Variants in STON2 observed in about 807,000 individuals in gnomAD.
STON2 encodes the protein stonin 2, also known as stonin-2.
Under a neutral mutation model 65.7 loss-of-function variants are expected in STON2, and 29 were observed. The ratio of observed to expected loss-of-function variants is 0.44; its 90% CI spans 0.33 to 0.60. The LOEUF is 0.60. Among genes scored for constraint, STON2 ranks in the 20% least tolerant of loss-of-function variants. The pLI, the probability that STON2 is intolerant of heterozygous loss-of-function variation, is 0.03. For synonymous variants in STON2, 404 were observed against 414.2 expected, an observed-to-expected ratio of 0.98 and a Z score of 0.30; for missense variants, 1,054 against 1,118.1, an observed-to-expected ratio of 0.94 and a Z score of 0.82.
intron 5 of STON2, among the ~76,000 whole-genome samples, chr14:81,298,453 T>G (rs1172638811): frequency 6.6e-6 from 1 of 151,614 alleles, no homozygotes; most frequent in African/African-American, 2.4e-5. Context: ...CCAAACTTAC[T>G]AAGAATTACC....
Position 81,278,339 on chromosome 14 carries a change from C to A in STON2, c.1143G>T (p.Gln381His), listed in dbSNP as rs1213094187. 2 of 1,614,190 alleles carry A rather than the reference C, an allele frequency of 1.2e-6. No homozygotes were observed. The highest frequency in any genetic ancestry group is 1.3e-5 in the African/African-American group (1 of 75,044). Residue 381 changes from glutamine (Q) to histidine (H), a missense_variant, in exon 6 of 8, where the codon CAG becomes CAT. By Grantham distance (24) the Gln-to-His change is conservative (BLOSUM62 0). Transcript: ENST00000614646. ...PFLNETLQDV[Q>H]PSPINPFSAF... is the part of the protein sequence containing the mutation. ...CACTGAAAGGGTTGATAGGGGAGGGCTGTACATCCTGCAGAGTCTCATTCA... is the reference window on the plus strand; with the variant it reads ...CACTGAAAGGGTTGATAGGGGAGGGATGTACATCCTGCAGAGTCTCATTCA...
At chr14:81,295,984 A>C (rs7145964) in intron 5 of STON2, among the ~76,000 whole-genome samples, 119,415 of 152,126 alleles carry the variant, frequency 0.78, 47,032 homozygotes, top group Non-Finnish European at 0.81. Flanking sequence ...CATAAACATA[A>C]ACAGTTCTAA....
intron 5 of STON2, among the ~76,000 whole-genome samples, chr14:81,318,957 A>G (rs1031198270): frequency 2.6e-5 from 4 of 152,262 alleles, no homozygotes; most frequent in African/African-American, 7.2e-5. Flanking sequence ...GATTAGTGAC[A>G]TTATCAGAAG....
chr14:81,425,758 G>A (rs528895608), intron 2 of STON2, among the ~76,000 whole-genome samples: 2 of 152,244 alleles, frequency 1.3e-5, no homozygotes, highest in African/African-American at 2.4e-5. Flanking sequence ...GAGCATCTGC[G>A]ATTCTTGTAG....
upstream of STON2, among the ~76,000 whole-genome samples, chr14:81,404,024 T>C (rs1341300068): frequency 6.6e-6 from 1 of 152,216 alleles, no homozygotes; most frequent in African/African-American, 2.4e-5. Context: ...AGGGTATGGC[T>C]TTTAGTAAAT....
rs540552967 is a variant in STON2 at position 81,263,776 on chromosome 14, A to G, written c.*4638T>C. 190 of 985,392 alleles carry G rather than the reference A, an allele frequency of 1.9e-4. 2 individuals carry two copies. In the African/African-American group the frequency reaches 2.8e-3, roughly 15 times the overall value. The allele number at this position is 985,392 out of a possible 1,614,324, so 61.0% of individuals were successfully genotyped here. On this transcript the variant is annotated 3_prime_UTR_variant, in exon 8 of 8. Coordinates refer to ENST00000614646, the MANE Select transcript of STON2 (RefSeq NM_001394390.1). ...TACCACTCGAACTGGGAGCATTTCT[A>G]TAAGCAGGCTGGATGGTAGTGCTTC...
intron 4 of STON2, among the ~76,000 whole-genome samples, chr14:81,332,517 T>G (rs1043948575): frequency 6.6e-6 from 1 of 152,168 alleles, no homozygotes; most frequent in African/African-American, 2.4e-5. Context: ...ACTCAGATAT[T>G]AAAAATATCT....
intron 3 of STON2, among the ~76,000 whole-genome samples, chr14:81,376,386 G>A (rs2140381070): frequency 6.6e-6 from 1 of 152,008 alleles, no homozygotes; most frequent in East Asian, 1.9e-4. Context: ...AACTATAGAA[G>A]TCCTAGCAAA....
intron 5 of STON2, among the ~76,000 whole-genome samples, chr14:81,317,369 A>C (rs1418710341): frequency 6.6e-6 from 1 of 152,258 alleles, no homozygotes; most frequent in African/African-American, 2.4e-5. Flanking sequence ...GGAGGGGACA[A>C]ATATACAAAC....
chr14:81,390,942 T>A (rs1900049890), intron 3 of STON2, among the ~76,000 whole-genome samples: 1 of 152,212 alleles, frequency 6.6e-6, no homozygotes, highest in African/African-American at 2.4e-5. Context: ...GCTTCATCAC[T>A]AAAATCTTTA....
At chr14:81,272,957 C>T (rs1894660730) in intron 6 of STON2, among the ~76,000 whole-genome samples, 1 of 152,228 alleles carries the variant, frequency 6.6e-6, no homozygotes. Flanking sequence ...AAATAAGATT[C>T]AGAGATGACT....
chr14:81,292,219 C>T (rs1416003730), intron 5 of STON2, among the ~76,000 whole-genome samples: 1 of 152,184 alleles, frequency 6.6e-6, no homozygotes, highest in South Asian at 2.1e-4. Context: ...CTGATTTAAA[C>T]AAACAACTGC....
chr14:81,427,620 G>A lies in STON2; in HGVS notation c.-309-408C>T, dbSNP rs553317384. ...TATGCCAATTAGGTTGATGGGTGGT[G>A]ACTGAGAAACATGCTGGATTTACTC... On this transcript the variant is annotated intron_variant, in intron 1 of 8. Transcript: ENST00000553821. Among the ~76,000 whole-genome samples the A allele has an allele frequency of 1.8e-3, 274 of 152,110 alleles. 4 individuals are homozygous for A. The highest frequency in any genetic ancestry group is 1.5e-3 in the South Asian group (7 of 4,808).
At chr14:81,376,180 TAATA>T (rs1377130954) in intron 3 of STON2, among the ~76,000 whole-genome samples, 1 of 151,388 alleles carries the variant, frequency 6.6e-6, no homozygotes, top group African/African-American at 2.4e-5. Flanking sequence ...AAAAAGGAAA[TAATA>T]AATATAAAAT....
chr14:81,341,528 C>T (rs1038414917), intron 4 of STON2, among the ~76,000 whole-genome samples: 8 of 142,216 alleles, frequency 5.6e-5, no homozygotes, highest in Non-Finnish European at 1.2e-4. Context: ...CAAGCCAAGA[C>T]TGATGTATTA....
At position 81,264,714 on chromosome 14, in the gene STON2, A is replaced by G. The variant is rs1894289221; in HGVS notation, c.*3700T>C. On this transcript the variant is annotated 3_prime_UTR_variant, in exon 8 of 8. Coordinates refer to ENST00000614646, the MANE Select transcript of STON2 (RefSeq NM_001394390.1). ...GGATTATGAACCCTGCCAATAATGC[A>G]GGAAGGCACAGTAAGGGAAGAGCCA... 1 of 985,462 alleles carries G rather than the reference A, an allele frequency of 1.0e-6. No individual in the cohort carries two copies. Among genetic ancestry groups the G allele is most frequent in the South Asian group, 4.7e-5 (1 of 21,286 alleles). 61.0% of individuals were successfully genotyped at this position (985,462 alleles called of 1,614,324 possible).
intron 6 of STON2, among the ~76,000 whole-genome samples, 156 bp from the exon 7 acceptor site, chr14:81,271,028 A>G (rs1237031992): frequency 6.6e-6 from 1 of 152,152 alleles, no homozygotes; most frequent in Admixed American, 6.5e-5. Context: ...CGCCCGGCTC[A>G]GCAGAATTCA....
chr14:81,366,710 A>T (rs1251008952), intron 4 of STON2, among the ~76,000 whole-genome samples: 1 of 152,124 alleles, frequency 6.6e-6, no homozygotes, highest in Non-Finnish European at 1.5e-5. Flanking sequence ...AGCACTTCTC[A>T]GATCTCATTC....
intron 3 of STON2, among the ~76,000 whole-genome samples, chr14:81,379,089 T>C (rs1361477654): frequency 6.6e-6 from 1 of 152,212 alleles, no homozygotes; most frequent in Non-Finnish European, 1.5e-5. Context: ...TAACTGTCAT[T>C]ATTTGCAGAT....
Sources: gnomAD v4.1 joint callset for allele counts (sites outside exome capture counted in the v4.1 genomes callset) on GRCh38, gnomAD v4.1.1 for gene constraint, MANE v1.5 for transcripts, NCBI Gene and HGNC (gene_info 2026-07-23, HGNC 2026-07-21) for gene names.